TSPAN9: variants seen among roughly 807,000 people sequenced by gnomAD.
The protein encoded by TSPAN9 is tetraspanin 9.
TSPAN9 carries 16 observed loss-of-function variants against 31.0 expected under a neutral mutation model. The ratio of observed to expected loss-of-function variants is 0.52; its 90% CI spans 0.35 to 0.78. The LOEUF (loss-of-function observed/expected upper bound fraction) is 0.78, where lower values mean the gene tolerates loss of function less well. Among genes scored for constraint, TSPAN9 ranks in the 30% least tolerant of loss-of-function variants. The probability of loss-of-function intolerance (pLI) is 0.01; values close to 1 mark genes in which losing one functional copy is unlikely to be tolerated. For missense variants in TSPAN9, 272 were observed against 312.5 expected, an observed-to-expected ratio of 0.87 and a Z score of 0.98; for synonymous variants, 145 against 121.6, an observed-to-expected ratio of 1.19 and a Z score of -1.27.
intron 3 of TSPAN9, among the ~76,000 whole-genome samples, chr12:3,230,173 A>G (rs182491648): frequency 6.6e-6 from 1 of 152,258 alleles, no homozygotes; most frequent in Non-Finnish European, 1.5e-5. Flanking sequence ...TCTCCCCAGG[A>G]TTGCCCAGAG....
At chr12:3,085,460 G>A (rs948675281) in intron 2 of TSPAN9, among the ~76,000 whole-genome samples, 3 of 152,044 alleles carry the variant, frequency 2.0e-5, no homozygotes, top group South Asian at 2.1e-4. Context: ...TGAGGGAGAT[G>A]TGAGTGGAGG....
intron 2 of TSPAN9, among the ~76,000 whole-genome samples, chr12:3,086,652 G>C: frequency 6.6e-6 from 1 of 152,324 alleles, no homozygotes; most frequent in South Asian, 2.1e-4. Flanking sequence ...TTGCAGGAAG[G>C]CTGGAGGGTC....
intron 2 of TSPAN9, among the ~76,000 whole-genome samples, chr12:3,182,563 A>G (rs2098359036): frequency 6.6e-6 from 1 of 151,996 alleles, no homozygotes; most frequent in Non-Finnish European, 1.5e-5. Context: ...CTATTGAGCA[A>G]CTGGCACACG....
intron 2 of TSPAN9, among the ~76,000 whole-genome samples, chr12:3,099,286 C>G (rs757256721): frequency 8.5e-5 from 13 of 152,158 alleles, no homozygotes; most frequent in Non-Finnish European, 1.8e-4. Context: ...CACGGATCTT[C>G]TGCAGTGGGT....
At chr12:3,282,367 A>G (rs1591725022) in intron 8 of TSPAN9, among the ~76,000 whole-genome samples, 2 of 152,172 alleles carry the variant, frequency 1.3e-5, no homozygotes, top group Non-Finnish European at 2.9e-5. Context: ...TTCCACAAGC[A>G]GACAAGAGAG....
Position 3,251,696 on chromosome 12 carries a change from G to A in TSPAN9, c.64-26725G>A, listed in dbSNP as rs117322966. 7.2e-5 allele frequency among the ~76,000 whole-genome samples: 11 copies of A among 152,338 alleles called. No homozygotes were observed. In the East Asian group the frequency reaches 2.1e-3, roughly 29 times the overall value. On this transcript the variant is annotated intron_variant, in intron 3 of 8. Coordinates refer to ENST00000011898, the MANE Select transcript of TSPAN9 (RefSeq NM_006675.5). Reference sequence around the variant, plus strand: ...GACAGAGGGACACACAGGACGGTGGGTTCCAGCACCTCTGGCTGCCTGGGC... The same window carrying A: ...GACAGAGGGACACACAGGACGGTGGATTCCAGCACCTCTGGCTGCCTGGGC...
chr12:3,166,966 T>C (rs1223110219), intron 2 of TSPAN9, among the ~76,000 whole-genome samples: 1 of 151,602 alleles, frequency 6.6e-6, no homozygotes, highest in Non-Finnish European at 1.5e-5. Context: ...CCGGCTAATT[T>C]TTGTATTTTT....
chr12:3,217,635 G>A (rs1298795837), intron 3 of TSPAN9, among the ~76,000 whole-genome samples: 4 of 152,296 alleles, frequency 2.6e-5, no homozygotes, highest in Non-Finnish European at 1.5e-5. Context: ...CCCTTTGGGA[G>A]GGGGAGAAGA....
At chr12:3,141,096 G>A (rs1474725267) in intron 2 of TSPAN9, among the ~76,000 whole-genome samples, 6 of 152,072 alleles carry the variant, frequency 3.9e-5, no homozygotes, top group East Asian at 3.9e-4. Flanking sequence ...ACGGGGCTTT[G>A]AGGTCCTCGC....
intron 2 of TSPAN9, among the ~76,000 whole-genome samples, chr12:3,153,406 A>T (rs1323219114): frequency 6.6e-6 from 1 of 151,574 alleles, no homozygotes; most frequent in Non-Finnish European, 1.5e-5. Flanking sequence ...TGCAAACATA[A>T]TTTTTTTTTA....
chr12:3,081,836 C>G (rs12099628), intron 1 of TSPAN9, among the ~76,000 whole-genome samples: 100,713 of 130,998 alleles, frequency 0.77, 36,916 homozygotes, highest in East Asian at 0.82. Context: ...GTGTGTGTGT[C>G]TGTGTGTGTA....
Position 3,121,340 on chromosome 12 carries a change from AGG to A in TSPAN9, c.-18+37624_-18+37625del, listed in dbSNP as rs939981352. ...ACATACTGGAGAGATTTTTCAAAACAGGGGATGTTGGCTTTTTTTTTTTTTTT... is the reference window on the plus strand; with the variant it reads ...ACATACTGGAGAGATTTTTCAAAACAGGATGTTGGCTTTTTTTTTTTTTTT... On this transcript the variant is annotated intron_variant, in intron 2 of 8. Coordinates refer to ENST00000011898, the MANE Select transcript of TSPAN9 (RefSeq NM_006675.5). 1.3e-3 allele frequency among the ~76,000 whole-genome samples: 25 copies of A among 19,388 alleles called. 1 individual carries two copies. The highest frequency in any genetic ancestry group is 4.1e-3 in the African/African-American group (21 of 5,102). The allele number at this position is 19,388 out of a possible 152,430, so 12.7% of individuals were successfully genotyped here.
chr12:3,161,413 T>C (rs2153969454), intron 2 of TSPAN9, among the ~76,000 whole-genome samples: 1 of 152,324 alleles, frequency 6.6e-6, no homozygotes, highest in Admixed American at 6.5e-5. Flanking sequence ...GAGTTCCTTT[T>C]TGTGTATGGT....
intron 3 of TSPAN9, among the ~76,000 whole-genome samples, chr12:3,236,168 T>C (rs2098393648): frequency 2.0e-5 from 3 of 150,578 alleles, no homozygotes; most frequent in Admixed American, 1.3e-4. Flanking sequence ...AACCCCCTGC[T>C]CTGCCTCCTG....
chr12:3,091,061 A>G (rs2098304271), intron 2 of TSPAN9, among the ~76,000 whole-genome samples: 2 of 152,230 alleles, frequency 1.3e-5, no homozygotes, highest in African/African-American at 4.8e-5. Flanking sequence ...TGCCCTCTGC[A>G]AGCTGCCAAG....
chr12:3,249,596 G>T (rs916106872), intron 3 of TSPAN9, among the ~76,000 whole-genome samples: 1 of 152,224 alleles, frequency 6.6e-6, no homozygotes, highest in Non-Finnish European at 1.5e-5. Flanking sequence ...GCCCATGTCT[G>T]ACTTGTCCAC....
chr12:3,192,898 C>G lies in TSPAN9; in HGVS notation c.-17-8279C>G, dbSNP rs1469774169. On this transcript the variant is annotated intron_variant, in intron 2 of 8. Coordinates refer to ENST00000011898, the MANE Select transcript of TSPAN9 (RefSeq NM_006675.5). This position sits in a 1 kb window ranked among gnomAD's most constrained non-coding sequence, Gnocchi z 4.6. ...TCTGTTCAGCTACACTGTAGCTAGA[C>G]AGGAGCTGGTTCCATGTTGACTATA... Among the ~76,000 whole-genome samples, 1 of 152,198 alleles carries G rather than the reference C, an allele frequency of 6.6e-6. No homozygotes were observed. Among genetic ancestry groups the G allele is most frequent in the Non-Finnish European group, 1.5e-5 (1 of 68,024 alleles).
intron 3 of TSPAN9, among the ~76,000 whole-genome samples, chr12:3,213,782 A>G (rs574504584): frequency 2.0e-5 from 3 of 152,262 alleles, no homozygotes; most frequent in Non-Finnish European, 2.9e-5. Context: ...GATTCTCTGC[A>G]TTGCCGATTA....
intron 3 of TSPAN9, among the ~76,000 whole-genome samples, chr12:3,242,216 C>G (rs1459233298): frequency 6.6e-6 from 1 of 152,244 alleles, no homozygotes; most frequent in East Asian, 1.9e-4. Flanking sequence ...GCTGCTCTTT[C>G]AAAGTCATGA....
Sources: gnomAD v4.1 joint callset for allele counts (sites outside exome capture counted in the v4.1 genomes callset) on GRCh38, gnomAD v4.1.1 for gene constraint, Gnocchi (gnomAD v3.1) non-coding constraint, MANE v1.5 for transcripts, NCBI Gene and HGNC (gene_info 2026-07-23, HGNC 2026-07-21) for gene names.